COL13A1: variants seen among roughly 807,000 people sequenced by gnomAD.
The protein encoded by COL13A1 is collagen alpha-1(XIII) chain.
Under a neutral mutation model 130.9 loss-of-function variants are expected in COL13A1, and 89 were observed. The observed-to-expected ratio is 0.68, with a 90% CI of 0.57 to 0.81. COL13A1 has a LOEUF of 0.81. COL13A1 is among the 30% of genes least tolerant of loss of function. The pLI is 0.00. For missense variants in COL13A1, 879 were observed against 934.6 expected (o/e 0.94, Z 0.78); for synonymous variants, 402 against 341.6 (o/e 1.18, Z -1.95).
chr10:69,825,061 G>A (rs760642633), intron 2 of COL13A1, among the ~76,000 whole-genome samples: 1 of 152,140 alleles, frequency 6.6e-6, no homozygotes. Flanking sequence ...CTCCTCAACA[G>A]CAAACCCAAC....
chr10:69,891,671 G>T (rs773561272), intron 10 of COL13A1, among the ~76,000 whole-genome samples: 4 of 152,206 alleles, frequency 2.6e-5, no homozygotes, highest in Non-Finnish European at 4.4e-5. Flanking sequence ...GGCATAAAGG[G>T]CTTGGGGTGC....
chr10:69,857,070 C>T (rs922446971), intron 2 of COL13A1, among the ~76,000 whole-genome samples: 61 of 152,266 alleles, frequency 4.0e-4, no homozygotes, highest in African/African-American at 1.4e-3. Flanking sequence ...GAGGCCTGGC[C>T]AGGAAACTGT....
At chr10:69,812,998 T>A (rs920022263) in intron 1 of COL13A1, among the ~76,000 whole-genome samples, 2 of 152,224 alleles carry the variant, frequency 1.3e-5, no homozygotes, top group Non-Finnish European at 2.9e-5. Context: ...CTGCCCCACA[T>A]TGATGTGTGG....
At chr10:69,848,643 C>T (rs1589424601) in intron 2 of COL13A1, among the ~76,000 whole-genome samples, 1 of 152,250 alleles carries the variant, frequency 6.6e-6, no homozygotes, top group South Asian at 2.1e-4. Flanking sequence ...CGTCCTCTCA[C>T]CTGTCGCCTG....
chr10:69,802,798 G>A, intron 1 of COL13A1, 81 bp downstream of exon 1: 3 of 1,548,208 alleles, frequency 1.9e-6, no homozygotes, highest in South Asian at 2.4e-5. Flanking sequence ...GCCGGTGTCC[G>A]CGGGCGCTCG....
chr10:69,899,723 C>G (rs996372444), intron 14 of COL13A1, among the ~76,000 whole-genome samples: 7 of 152,236 alleles, frequency 4.6e-5, no homozygotes, highest in Admixed American at 3.9e-4. Context: ...GGCCTCTGCT[C>G]TTCAGAGATC....
intron 13 of COL13A1, among the ~76,000 whole-genome samples, chr10:69,896,824 T>C (rs760419765): frequency 2.0e-5 from 3 of 152,222 alleles, no homozygotes; most frequent in East Asian, 1.9e-4. Context: ...GTCAGCGGCA[T>C]GTGCTCCAGG....
intron 17 of COL13A1, 115 bp from the exon 18 acceptor site, chr10:69,917,174 A>G (rs1233250392): frequency 1.5e-6 from 2 of 1,326,652 alleles, no homozygotes; most frequent in Non-Finnish European, 2.1e-6. Context: ...TCAGAGCTCA[A>G]CATGAACCGG....
chr10:69,835,673 G>A (rs887495056), intron 2 of COL13A1, among the ~76,000 whole-genome samples: 22 of 152,176 alleles, frequency 1.4e-4, no homozygotes, highest in African/African-American at 5.1e-4. Context: ...GGCAGGGTTG[G>A]GACTGGAAAT....
rs1393303567 is a variant in COL13A1 at position 69,921,875 on chromosome 10, C to T, written c.1090-7C>T. The stretch of plus-strand genomic sequence containing the variant: ...CTAACCCCCACACTGTCTGCATCTC[C>T]CTGCAGGGTGAGAAGGGGGCTGAAG... On this transcript the variant is annotated splice_region_variant and splice_polypyrimidine_tract_variant and intron_variant, in intron 21 of 40. Transcript: ENST00000645393. 6.2e-7 allele frequency: 1 copy of T among 1,603,646 alleles called. No homozygotes were observed.
At chr10:69,935,258 C>A in intron 31 of COL13A1, 92 bp from the exon 32 acceptor site, 2 of 1,116,050 alleles carry the variant, frequency 1.8e-6, no homozygotes, top group Non-Finnish European at 2.6e-6. Flanking sequence ...CAGCCATGTC[C>A]TCCTCTGGCC....
rs888564814 is a variant in COL13A1 at position 69,922,756 on chromosome 10, C to T, written c.1192C>T (p.Pro398Ser). ...GNSIGGGRGE[P>S]GPPGLPGPPG... ...CTCCATTGGAGGAGGCAGAGGGGAACCTGGCCCTCCAGGGCTCCCTGGGCC... is the reference window on the plus strand; with the variant it reads ...CTCCATTGGAGGAGGCAGAGGGGAATCTGGCCCTCCAGGGCTCCCTGGGCC... Residue 398 changes from proline (P) to serine (S), a missense_variant, in exon 23 of 41, where the codon CCT (proline) becomes TCT (serine). Pro to Ser is a moderately conservative substitution (Grantham distance 74). This residue lies in a region of COL13A1 where 715 missense variants were observed against 721.0 expected (regional missense o/e 0.99). Coordinates refer to ENST00000645393, the MANE Select transcript of COL13A1 (RefSeq NM_001368882.1). 1 of 1,604,932 alleles carries T rather than the reference C, an allele frequency of 6.2e-7. No homozygotes were observed.
At chr10:69,826,185 G>A (rs1306470690) in intron 2 of COL13A1, among the ~76,000 whole-genome samples, 2 of 152,206 alleles carry the variant, frequency 1.3e-5, no homozygotes, top group East Asian at 3.9e-4. Flanking sequence ...TAGCCAGCGA[G>A]GAAACAGCTA....
chr10:69,923,883 G>C, intron 24 of COL13A1, 28 bp downstream of exon 24: 1 of 1,606,658 alleles, frequency 6.2e-7, no homozygotes, highest in Non-Finnish European at 8.5e-7. Flanking sequence ...TCCCAGAGCT[G>C]CAAGATGAGG....
chr10:69,853,019 G>GC (rs1279503618), intron 2 of COL13A1, among the ~76,000 whole-genome samples: 1 of 152,178 alleles, frequency 6.6e-6, no homozygotes, highest in Non-Finnish European at 1.5e-5. Flanking sequence ...CGGGGGAGCG[G>GC]GGGGAGGTAT....
Position 69,805,258 on chromosome 10 carries a change from C to G in COL13A1, c.294+2541C>G, listed in dbSNP as rs117287197. ...GAGTGAGTGCTTACGGCTGGCAAAG[C>G]AGTAAGGCCAAAAACAGAAGGCTGC... On this transcript the variant is annotated intron_variant, in intron 1 of 40. Coordinates refer to ENST00000645393, the MANE Select transcript of COL13A1 (RefSeq NM_001368882.1). 4.1e-4 allele frequency among the ~76,000 whole-genome samples: 62 copies of G among 152,106 alleles called. No individual in the cohort carries two copies. The East Asian group carries it at 0.011, about 26-fold the overall frequency.
intron 2 of COL13A1, among the ~76,000 whole-genome samples, chr10:69,863,499 G>A (rs1006395727): frequency 2.6e-5 from 4 of 152,120 alleles, no homozygotes; most frequent in African/African-American, 7.2e-5. Flanking sequence ...GGAGCCCAGC[G>A]GTCAAGCAGG....
chr10:69,831,576 G>T (rs1333816831), intron 2 of COL13A1, among the ~76,000 whole-genome samples: 1 of 152,224 alleles, frequency 6.6e-6, no homozygotes, highest in East Asian at 1.9e-4. Context: ...GGAAAATGAA[G>T]ATGTTGGTGC....
At chr10:69,845,560 A>G (rs1852806818) in intron 2 of COL13A1, among the ~76,000 whole-genome samples, 1 of 151,500 alleles carries the variant, frequency 6.6e-6, no homozygotes, top group South Asian at 2.1e-4. Context: ...GGCATCCCCA[A>G]CCCACTAGCC....
Sources: allele counts gnomAD v4.1 joint callset (sites outside exome capture counted in the v4.1 genomes callset), GRCh38; gene constraint gnomAD v4.1.1; regional missense constraint gnomAD v4.1.1; transcripts MANE v1.5; gene names NCBI Gene and HGNC (gene_info 2026-07-23, HGNC 2026-07-21).